The following RC3H1 variants were observed in gnomAD, a reference collection of about 807,000 sequenced individuals.
RC3H1 encodes ring finger and CCCH-type domains 1, also known as roquin-1.
A neutral mutation model predicts 138.2 loss-of-function variants in RC3H1; 50 were observed. That is an observed-to-expected ratio of 0.36 (90% CI 0.29 to 0.46). The LOEUF is 0.46. Among genes scored for constraint, RC3H1 ranks in the 20% least tolerant of loss-of-function variants. The pLI, the probability that RC3H1 is intolerant of heterozygous loss-of-function variation, is 1.00. For synonymous variants in RC3H1, 462 were observed against 489.1 expected (o/e 0.94, Z 0.73); for missense variants, 1,031 against 1,388.1 (o/e 0.74, Z 4.09).
At chr1:174,021,511 C>G (rs1661959592) in intron 1 of RC3H1, among the ~76,000 whole-genome samples, 1 of 151,730 alleles carries the variant, frequency 6.6e-6, no homozygotes, top group Non-Finnish European at 1.5e-5. Flanking sequence ...TTAAAGACAC[C>G]TGCACACACA....
intron 5 of RC3H1, among the ~76,000 whole-genome samples, 160 bp downstream of exon 5, chr1:173,982,567 T>C (rs988252246): frequency 3.9e-5 from 6 of 152,116 alleles, no homozygotes; most frequent in Non-Finnish European, 7.4e-5. Context: ...AGTATTTAAC[T>C]ATAATAAGAC....
intron 1 of RC3H1, among the ~76,000 whole-genome samples, chr1:173,995,530 T>C (rs1018100548): frequency 2.3e-5 from 3 of 132,502 alleles, no homozygotes; most frequent in Admixed American, 8.0e-5. Context: ...CAAGACTCCA[T>C]CTCAAAAAAA....
intron 1 of RC3H1, among the ~76,000 whole-genome samples, chr1:174,007,706 C>T (rs1180173738): frequency 6.6e-6 from 1 of 152,154 alleles, no homozygotes; most frequent in Non-Finnish European, 1.5e-5. Flanking sequence ...GATCCTCCTA[C>T]CTCAGCCTCC....
chr1:173,978,712 AAATTT>A, intron 6 of RC3H1, 92 bp from the exon 7 acceptor site: 1 of 1,345,566 alleles, frequency 7.4e-7, no homozygotes, highest in Non-Finnish European at 1.0e-6. Context: ...GCGATTTATT[AAATTT>A]AATTTTTATC....
chr1:173,989,711 T>G (rs909829984), intron 2 of RC3H1, among the ~76,000 whole-genome samples: 7 of 102,848 alleles, frequency 6.8e-5, no homozygotes, highest in Non-Finnish European at 1.2e-4. Flanking sequence ...TTTATTCAAG[T>G]TTTTTTTTTT....
intron 19 of RC3H1, among the ~76,000 whole-genome samples, chr1:173,940,193 C>T (rs1249480952): frequency 1.3e-5 from 2 of 152,036 alleles, no homozygotes; most frequent in Admixed American, 1.3e-4. Context: ...TGGAAAGAGC[C>T]GGGTGCGGTG....
At chr1:173,946,426 C>A (rs1410125870) in intron 17 of RC3H1, 50 bp downstream of exon 17, 2 of 1,570,502 alleles carry the variant, frequency 1.3e-6, no homozygotes, top group South Asian at 1.2e-5. Context: ...TATTTAAAAT[C>A]TCTGAGAACC....
intron 2 of RC3H1, among the ~76,000 whole-genome samples, chr1:173,989,724 T>G (rs1379251288): frequency 7.2e-6 from 1 of 138,916 alleles, no homozygotes; most frequent in East Asian, 2.0e-4. Context: ...TTTTTTTTTT[T>G]TTTTTTTTTT....
Position 174,021,302 on chromosome 1 carries a change from G to C in RC3H1, c.-151+794C>G, listed in dbSNP as rs150726908. Among the ~76,000 whole-genome samples the C allele has an allele frequency of 1.1e-3, 167 of 152,160 alleles. 1 individual carries two copies. Among genetic ancestry groups the C allele is most frequent in the African/African-American group, 4.0e-3 (164 of 41,504 alleles). On this transcript the variant is annotated intron_variant, in intron 1 of 19. Coordinates refer to ENST00000367696, the MANE Select transcript of RC3H1 (RefSeq NM_172071.4). ...GTTTCCAGTTTCATAGGCTATTCTGGTATGTCAAGAGTTGTGTTATTACTG... is the reference window on the plus strand; with the variant it reads ...GTTTCCAGTTTCATAGGCTATTCTGCTATGTCAAGAGTTGTGTTATTACTG...
chr1:173,946,449 G>T (rs1311689865), intron 17 of RC3H1, 27 bp downstream of exon 17: 6 of 1,590,994 alleles, frequency 3.8e-6, no homozygotes, highest in Non-Finnish European at 5.1e-6. Context: ...TCAAAAATTG[G>T]AATAAAATGG....
chr1:173,968,047 G>A (rs1294978738), intron 9 of RC3H1, among the ~76,000 whole-genome samples: 1 of 152,174 alleles, frequency 6.6e-6, no homozygotes, highest in Non-Finnish European at 1.5e-5. Flanking sequence ...TTTGGTCACT[G>A]ATGTGAAATG....
chr1:173,974,512 T>C (rs1249180460), intron 7 of RC3H1, among the ~76,000 whole-genome samples: 1 of 152,126 alleles, frequency 6.6e-6, no homozygotes, highest in Non-Finnish European at 1.5e-5. Flanking sequence ...TCAAAGAATA[T>C]TCTGTAACTA....
At chr1:173,983,094 A>AAAACAG (rs1296845532) in intron 4 of RC3H1, 192 bp from the exon 5 acceptor site, 2 of 490,746 alleles carry the variant, frequency 4.1e-6, no homozygotes, top group Non-Finnish European at 7.0e-6. Flanking sequence ...TTTTATAAAG[A>AAAACAG]AAACAGATAA....
chr1:173,964,360 T>C (rs1472800695), intron 10 of RC3H1, among the ~76,000 whole-genome samples, 173 bp from the exon 11 acceptor site: 1 of 147,980 alleles, frequency 6.8e-6, no homozygotes, highest in Non-Finnish European at 1.5e-5. Flanking sequence ...GTTTCTTTTC[T>C]TTTTTTTTTG....
intron 19 of RC3H1, among the ~76,000 whole-genome samples, chr1:173,940,771 C>A (rs1658817778): frequency 6.6e-6 from 1 of 151,664 alleles, no homozygotes; most frequent in African/African-American, 2.4e-5. Flanking sequence ...TAGGTATTAA[C>A]AGATAATTCA....
chr1:174,009,373 T>C (rs942484203), intron 1 of RC3H1: 2 of 152,180 alleles, frequency 1.3e-5, no homozygotes, highest in African/African-American at 2.4e-5. Flanking sequence ...TTATTTCAAA[T>C]AGATGCCCCA....
chr1:174,016,985 G>C (rs933739309), intron 1 of RC3H1, among the ~76,000 whole-genome samples: 1 of 152,144 alleles, frequency 6.6e-6, no homozygotes, highest in Non-Finnish European at 1.5e-5. Flanking sequence ...CCAAGATCAA[G>C]GTTTCTAACA....
chr1:174,017,802 A>AAAAAAAAC (rs1553234078), intron 1 of RC3H1, among the ~76,000 whole-genome samples: 2 of 148,548 alleles, frequency 1.3e-5, no homozygotes, highest in African/African-American at 5.1e-5. Context: ...AAAAAAAAAA[A>AAAAAAAAC]AAAAAAAACT....
intron 9 of RC3H1, among the ~76,000 whole-genome samples, chr1:173,968,500 T>A (rs1351071826): frequency 6.6e-6 from 1 of 152,208 alleles, no homozygotes; most frequent in Non-Finnish European, 1.5e-5. Flanking sequence ...AAACTGGTTA[T>A]GTTTCTCTTT....
Sources: allele counts gnomAD v4.1 joint callset (sites outside exome capture counted in the v4.1 genomes callset), GRCh38; gene constraint gnomAD v4.1.1; transcripts MANE v1.5; gene names NCBI Gene and HGNC (gene_info 2026-07-23, HGNC 2026-07-21).